Variants in TGFBR1 observed in about 807,000 individuals in gnomAD.
TGFBR1 encodes TGF-beta receptor type-1.
TGFBR1 carries 20 observed loss-of-function variants against 55.1 expected under a neutral mutation model. The observed-to-expected ratio is 0.36, with a 90% confidence interval of 0.26 to 0.53. The LOEUF (loss-of-function observed/expected upper bound fraction) is 0.53. Among genes scored for constraint, TGFBR1 ranks in the 20% least tolerant of loss-of-function variants. The probability of loss-of-function intolerance (pLI) is 0.91; values close to 1 mark genes in which losing one functional copy is unlikely to be tolerated. For missense variants in TGFBR1, 385 were observed against 617.6 expected, an observed-to-expected ratio of 0.62 and a Z score of 3.99; for synonymous variants, 220 against 214.8, an observed-to-expected ratio of 1.02 and a Z score of -0.21.
At chr9:99,116,858 T>G (rs1278675606) in intron 1 of TGFBR1, among the ~76,000 whole-genome samples, 2 of 152,208 alleles carry the variant, frequency 1.3e-5, no homozygotes, top group Non-Finnish European at 2.9e-5. Context: ...AGGGCAAATG[T>G]TTCCCTGAAA....
At chr9:99,142,410 T>C in intron 4 of TGFBR1, 126 bp from the exon 5 acceptor site, 1 of 1,003,082 alleles carries the variant, frequency 1.0e-6, no homozygotes, top group South Asian at 1.4e-5. Flanking sequence ...GTGAAGGAAA[T>C]ACAGACTTAA....
At chr9:99,107,805 A>G (rs1289010458) in intron 1 of TGFBR1, among the ~76,000 whole-genome samples, 1 of 152,166 alleles carries the variant, frequency 6.6e-6, no homozygotes, top group Admixed American at 6.5e-5. Context: ...ACCTTCGAGC[A>G]ATTTCTCTTT....
chr9:99,146,283 C>T lies in TGFBR1; in HGVS notation c.1131-202C>T, dbSNP rs79021290. Among the ~76,000 whole-genome samples, 465 of 152,232 alleles carry T rather than the reference C, an allele frequency of 3.1e-3. 5 individuals are homozygous for T. The highest frequency in any genetic ancestry group is 0.011 in the African/African-American group (438 of 41,536). On this transcript the variant is annotated intron_variant, in intron 6 of 8. Transcript: ENST00000374994. Reference sequence around the variant, plus strand: ...TCATGAGGCAGATAGTGTGAAACTGCTATTTTAGCATTTTGTGGGATTTAG... The same window carrying T: ...TCATGAGGCAGATAGTGTGAAACTGTTATTTTAGCATTTTGTGGGATTTAG...
chr9:99,132,440 A>G (rs1238580274), intron 2 of TGFBR1, 69 bp from the exon 3 acceptor site: 8 of 1,600,770 alleles, frequency 5.0e-6, no homozygotes, highest in Non-Finnish European at 6.8e-6. Flanking sequence ...AGGATTGGGA[A>G]AATGGGGGTT....
At chr9:99,129,700 G>T (rs968276810) in intron 2 of TGFBR1, among the ~76,000 whole-genome samples, 16 of 152,142 alleles carry the variant, frequency 1.1e-4, no homozygotes, top group African/African-American at 3.1e-4. Context: ...AGAAGTTCAA[G>T]ACCAGCCTGG....
intron 7 of TGFBR1, among the ~76,000 whole-genome samples, chr9:99,147,414 AT>A (rs1420535832): frequency 6.6e-6 from 1 of 152,166 alleles, no homozygotes; most frequent in African/African-American, 2.4e-5. Flanking sequence ...GTTTACTGTC[AT>A]TTCAAATAGG....
intron 2 of TGFBR1, among the ~76,000 whole-genome samples, chr9:99,129,886 G>C (rs989396527): frequency 2.6e-5 from 4 of 151,922 alleles, no homozygotes; most frequent in Admixed American, 6.6e-5. Flanking sequence ...GTGACAGAGT[G>C]AGGCTCTGTC....
At chr9:99,117,423 TCC>T (rs1826778464) in intron 1 of TGFBR1, among the ~76,000 whole-genome samples, 1 of 152,076 alleles carries the variant, frequency 6.6e-6, no homozygotes, top group African/African-American at 2.4e-5. Context: ...TAAGTTAGAA[TCC>T]TGTTTGCTTA....
intron 1 of TGFBR1, among the ~76,000 whole-genome samples, chr9:99,111,018 C>G (rs1192059889): frequency 2.0e-5 from 3 of 152,184 alleles, no homozygotes; most frequent in Non-Finnish European, 4.4e-5. Flanking sequence ...GAATTTGCTT[C>G]AGATTGCCTT....
intron 7 of TGFBR1, among the ~76,000 whole-genome samples, chr9:99,147,072 A>G (rs1397910816): frequency 3.3e-5 from 5 of 152,120 alleles, no homozygotes; most frequent in African/African-American, 7.2e-5. Flanking sequence ...TTTAACTTCT[A>G]GCTTTTTAGA....
intron 4 of TGFBR1, among the ~76,000 whole-genome samples, chr9:99,142,006 CTT>C (rs1240765211): frequency 6.6e-6 from 1 of 152,182 alleles, no homozygotes; most frequent in Non-Finnish European, 1.5e-5. Context: ...TGTCTTGCGT[CTT>C]TGTGAACTGT....
intron 1 of TGFBR1, among the ~76,000 whole-genome samples, chr9:99,127,098 G>C (rs188306573): frequency 1.3e-4 from 20 of 152,246 alleles, no homozygotes; most frequent in African/African-American, 4.6e-4. Flanking sequence ...TACAGTCATG[G>C]TTATAGTGTA....
chr9:99,144,011 G>T (rs969059915), intron 5 of TGFBR1, among the ~76,000 whole-genome samples: 1 of 152,232 alleles, frequency 6.6e-6, no homozygotes, highest in South Asian at 2.1e-4. Flanking sequence ...TAATACTTCA[G>T]TGTATGGATA....
chr9:99,110,036 G>T (rs533532030), intron 1 of TGFBR1, among the ~76,000 whole-genome samples: 1 of 152,212 alleles, frequency 6.6e-6, no homozygotes, highest in East Asian at 1.9e-4. Flanking sequence ...TATGTGTTTT[G>T]TTTGCTTTCC....
chr9:99,145,478 T>G (rs2118815037), intron 6 of TGFBR1, among the ~76,000 whole-genome samples: 1 of 152,340 alleles, frequency 6.6e-6, no homozygotes, highest in South Asian at 2.1e-4. Flanking sequence ...TTTATTTATT[T>G]GCCTATATAT....
At chr9:99,108,580 T>G (rs1564125274) in intron 1 of TGFBR1, among the ~76,000 whole-genome samples, 1 of 152,180 alleles carries the variant, frequency 6.6e-6, no homozygotes, top group Non-Finnish European at 1.5e-5. Context: ...CTTTAGGACT[T>G]ACACTGACTT....
chr9:99,111,703 A>C (rs138831888), intron 1 of TGFBR1, among the ~76,000 whole-genome samples: 5 of 152,322 alleles, frequency 3.3e-5, no homozygotes, highest in Admixed American at 2.0e-4. Context: ...TATGAAAGCT[A>C]ATAAAAGTGT....
At chr9:99,105,664 G>A (rs1298489361) in intron 1 of TGFBR1, among the ~76,000 whole-genome samples, 1 of 152,108 alleles carries the variant, frequency 6.6e-6, no homozygotes, top group East Asian at 1.9e-4. Flanking sequence ...GGCCGGCGGG[G>A]ACTGGCAGAG....
At chr9:99,132,065 ATTTTGTTGTTTT>A (rs1464098924) in intron 2 of TGFBR1, among the ~76,000 whole-genome samples, 2 of 149,702 alleles carry the variant, frequency 1.3e-5, no homozygotes, top group African/African-American at 4.9e-5. Context: ...TTGTTTTGAT[ATTTTGTTGTTTT>A]TTTTGTTGTT....
Sources: gnomAD v4.1 joint callset for allele counts (sites outside exome capture counted in the v4.1 genomes callset) on GRCh38, gnomAD v4.1.1 for gene constraint, MANE v1.5 for transcripts, NCBI Gene and HGNC (gene_info 2026-07-23, HGNC 2026-07-21) for gene names.